Variants in ESYT2 observed in about 807,000 individuals in gnomAD.
The protein encoded by ESYT2 is extended synaptotagmin 2, also known as extended synaptotagmin-2.
Under a neutral mutation model 107.2 loss-of-function variants are expected in ESYT2, and 54 were observed. That is an observed-to-expected ratio of 0.50 (90% CI 0.40 to 0.63). ESYT2 has a LOEUF of 0.63. ESYT2 is among the 30% of genes least tolerant of loss of function. The pLI, the probability that ESYT2 is intolerant of heterozygous loss-of-function variation, is 0.00. For synonymous variants in ESYT2, 491 were observed against 434.1 expected, an observed-to-expected ratio of 1.13 and a Z score of -1.63; for missense variants, 1,020 against 1,094.5, an observed-to-expected ratio of 0.93 and a Z score of 0.96.
chr7:158,773,206 A>T, intron 7 of ESYT2, 135 bp downstream of exon 7: 1 of 961,828 alleles, frequency 1.0e-6, no homozygotes, highest in Non-Finnish European at 1.7e-6. Flanking sequence ...CTTGTTTCTC[A>T]CGACAGCCTG....
chr7:158,828,416 C>T (rs958843794), intron 1 of ESYT2, among the ~76,000 whole-genome samples: 1 of 152,370 alleles, frequency 6.6e-6, no homozygotes, highest in African/African-American at 2.4e-5. Flanking sequence ...GGAGACCCCG[C>T]GGGCGGCACC....
chr7:158,823,034 T>G, intron 1 of ESYT2, among the ~76,000 whole-genome samples: 1 of 151,950 alleles, frequency 6.6e-6, no homozygotes, highest in East Asian at 2.0e-4. Context: ...GGCTCACGCC[T>G]GTAATCCTAG....
Position 158,741,738 on chromosome 7 carries a change from T to C in ESYT2, c.1953A>G (p.Pro651=), listed in dbSNP as rs190854406. 2.4e-5 allele frequency: 39 copies of C among 1,614,032 alleles called. No homozygotes were observed. Among genetic ancestry groups the C allele is most frequent in the Non-Finnish European group, 3.3e-5 (39 of 1,179,992 alleles). Residue 651 remains proline, a synonymous_variant, in exon 18 of 23, where the codon CCA becomes CCG. Transcript: ENST00000275418. ...CAGGCTTATCACTGCCCCCAATGAC[T>C]GGTGTGGATGGAGCTGTGTTGCTGC... is the stretch of plus-strand genomic sequence containing the variant. ...PGGSNTAPST[P]VIGGSDKPGM...
rs183514280 is a variant in ESYT2, at chr7:158,741,430, C to T, written c.2168+93G>A. ...GCCTCCCTCCCCAAAGCATGCCGGC[C>T]TCATGCTCTGCTGCGTTAAACGACT... is the stretch of plus-strand genomic sequence containing the variant. On this transcript the variant is annotated intron_variant, in intron 18 of 22. Coordinates refer to ENST00000275418, the MANE Select transcript of ESYT2 (RefSeq NM_001367773.1). The T allele has an allele frequency of 5.4e-6, 8 of 1,481,696 alleles. No individual in the cohort carries two copies. The African/African-American group carries it at 8.4e-5, about 16-fold the overall frequency. The allele number at this position is 1,481,696 out of a possible 1,614,324, so 91.8% of individuals were successfully genotyped here. A position where few individuals can be genotyped will look rare whatever the true frequency, so the allele number is the denominator to read the frequency against.
intron 15 of ESYT2, among the ~76,000 whole-genome samples, chr7:158,748,606 T>C (rs1191607882): frequency 2.6e-5 from 4 of 152,188 alleles, no homozygotes; most frequent in Non-Finnish European, 2.9e-5. Flanking sequence ...ACCAACGTAA[T>C]AGCTCCTCCG....
intron 6 of ESYT2, among the ~76,000 whole-genome samples, chr7:158,775,196 G>A (rs1053209169): frequency 2.0e-5 from 3 of 152,048 alleles, no homozygotes; most frequent in Non-Finnish European, 4.4e-5. Context: ...ACATTTTATT[G>A]CTAAAAAATG....
At chr7:158,793,590 A>G in intron 4 of ESYT2, 60 bp downstream of exon 4, 6 of 1,240,172 alleles carry the variant, frequency 4.8e-6, no homozygotes, top group Non-Finnish European at 7.1e-6. Flanking sequence ...CCTTACAGGT[A>G]CAGCTAAGTG....
In ESYT2 at chr7:158,737,119, T is replaced by G; in HGVS notation, c.2328A>C (p.Pro776=). The G allele has an allele frequency of 1.9e-6, 3 of 1,614,110 alleles. No individual in the cohort carries two copies. The highest frequency in any genetic ancestry group is 2.5e-6 in the Non-Finnish European group (3 of 1,179,964). Residue 776 remains proline, a synonymous_variant, in exon 20 of 23, where the codon CCA becomes CCC. Coordinates refer to ENST00000275418, the MANE Select transcript of ESYT2 (RefSeq NM_001367773.1). The part of the protein sequence containing the change: ...SDPYVRMYLL[P]DKRRSGRRKT... ...TCCTCCTTCCTGACCGCCTCTTGTCTGGTAATAAATACATGCGGACATAGG... is the reference window on the plus strand; with the variant it reads ...TCCTCCTTCCTGACCGCCTCTTGTCGGGTAATAAATACATGCGGACATAGG...
At position 158,743,631 on chromosome 7, in the gene ESYT2, G is replaced by A; in HGVS notation, c.1692C>T (p.Pro564=). 3 of 1,613,614 alleles carry A rather than the reference G, an allele frequency of 1.9e-6. No individual in the cohort carries two copies. The highest frequency in any genetic ancestry group is 2.7e-5 in the African/African-American group (2 of 74,988). The change falls in exon 17 of 23, where the codon CCC becomes CCT. Residue 564 remains proline (P), a synonymous_variant. Coordinates refer to ENST00000275418, the MANE Select transcript of ESYT2 (RefSeq NM_001367773.1). ...HQCSLGNLKV[P]LSQLLTSEDM... ...CCTCACTGGTGAGCAGCTGGCTGAG[G>A]GGGACCTTCAGGTTCCCCAGGGAAC...
intron 1 of ESYT2, among the ~76,000 whole-genome samples, chr7:158,802,851 A>G (rs1839684901): frequency 6.6e-6 from 1 of 152,270 alleles, no homozygotes; most frequent in Non-Finnish European, 1.5e-5. Context: ...TGATTCTTTT[A>G]GAAACAAAAT....
intron 12 of ESYT2, 98 bp from the exon 13 acceptor site, chr7:158,759,679 A>C: frequency 1.0e-6 from 1 of 995,554 alleles, no homozygotes; most frequent in South Asian, 1.7e-5. Context: ...AAAAATAAGA[A>C]AGGTGAGAAA....
At position 158,760,063 on chromosome 7, in the gene ESYT2, C is replaced by A. The variant is rs371093970; in HGVS notation, c.1318G>T (p.Asp440Tyr). ...AGCACATGCTTCAACAGCACCTTGT[C>A]GAGGTTTGACGCATTTGGCATTAAC... is the stretch of plus-strand genomic sequence containing the variant. ...LTLMPNASNL[D>Y]KVLTDIKADK... Residue 440 changes from aspartate to tyrosine, a missense_variant, in exon 12 of 23, where the codon GAC becomes TAC. By Grantham distance (160) the Asp-to-Tyr change is radical (BLOSUM62 -3). Transcript: ENST00000275418. The A allele has an allele frequency of 6.2e-7, 1 of 1,614,142 alleles. No individual in the cohort carries two copies. The highest frequency in any genetic ancestry group is 1.1e-5 in the South Asian group (1 of 91,068).
intron 9 of ESYT2, 150 bp downstream of exon 9, chr7:158,764,527 C>T: frequency 1.2e-6 from 1 of 831,168 alleles, no homozygotes; most frequent in East Asian, 2.6e-5. Context: ...AGGTACGACA[C>T]TTTTTAAAGA....
chr7:158,802,350 G>A (rs971351165), intron 1 of ESYT2, among the ~76,000 whole-genome samples: 8 of 151,936 alleles, frequency 5.3e-5, no homozygotes, highest in Non-Finnish European at 1.2e-4. Flanking sequence ...GCAGTGGCAC[G>A]ATCTCAGCTC....
chr7:158,739,020 C>G lies in ESYT2; in HGVS notation c.2267+3G>C. On this transcript the variant is annotated splice_donor_region_variant and intron_variant, in intron 19 of 22. Transcript: ENST00000275418. Reference sequence around the variant, plus strand: ...AGCGGGCGCGTGGGACCCCAGCCCCCACCTGCAGGCATGCACGACCACGAT... The same window carrying G: ...AGCGGGCGCGTGGGACCCCAGCCCCGACCTGCAGGCATGCACGACCACGAT... 1 of 1,613,856 alleles carries G rather than the reference C, an allele frequency of 6.2e-7. No homozygotes were observed. Among genetic ancestry groups the G allele is most frequent in the Non-Finnish European group, 8.5e-7 (1 of 1,179,844 alleles).
In ESYT2 at chr7:158,734,267, G is replaced by A; in HGVS notation, c.2556-15C>T. Reference sequence around the variant, plus strand: ...TGAGGTCATACCTGAGAAAGACAGTGACAGGAAGGTGGTGACGGATACAGG... The same window carrying A: ...TGAGGTCATACCTGAGAAAGACAGTAACAGGAAGGTGGTGACGGATACAGG... On this transcript the variant is annotated splice_polypyrimidine_tract_variant and intron_variant, in intron 22 of 22. Coordinates refer to ENST00000275418, the MANE Select transcript of ESYT2 (RefSeq NM_001367773.1). The A allele has an allele frequency of 6.2e-7, 1 of 1,614,138 alleles. No homozygotes were observed. The highest frequency in any genetic ancestry group is 1.3e-5 in the African/African-American group (1 of 75,044).
chr7:158,781,154 A>G (rs1584837872), intron 6 of ESYT2, among the ~76,000 whole-genome samples: 3 of 152,298 alleles, frequency 2.0e-5, no homozygotes, highest in African/African-American at 7.2e-5. Context: ...ATGTGAGAAC[A>G]GTGTGAGGTG....
rs185466062 is a variant in ESYT2 at position 158,809,431 on chromosome 7, G to A, written c.331-10359C>T. ...GCGAAGGTTGCAGTGAGCCGAGATC[G>A]CACCATTGCACTCCAGCCTGGCTAC... On this transcript the variant is annotated intron_variant, in intron 1 of 22. Coordinates refer to ENST00000275418, the MANE Select transcript of ESYT2 (RefSeq NM_001367773.1). 1.0e-3 allele frequency among the ~76,000 whole-genome samples: 119 copies of A among 115,610 alleles called. 1 individual carries two copies. The highest frequency in any genetic ancestry group is 3.8e-3 in the Admixed American group (30 of 7,998). The allele number at this position is 115,610 out of a possible 152,430, so 75.8% of individuals were successfully genotyped here.
intron 16 of ESYT2, among the ~76,000 whole-genome samples, chr7:158,744,607 T>C (rs1837337119): frequency 6.6e-6 from 1 of 152,192 alleles, no homozygotes; most frequent in South Asian, 2.1e-4. Flanking sequence ...CAAGTGATCC[T>C]CTCATCTCAG....
Sources: allele counts gnomAD v4.1 joint callset (sites outside exome capture counted in the v4.1 genomes callset), GRCh38; gene constraint gnomAD v4.1.1; transcripts MANE v1.5; gene names NCBI Gene and HGNC (gene_info 2026-07-23, HGNC 2026-07-21).